The following NIM1K variants were observed in gnomAD, a reference collection of about 807,000 sequenced individuals.
NIM1K encodes the protein serine/threonine-protein kinase NIM1.
Under a neutral mutation model 37.1 loss-of-function variants are expected in NIM1K, and 35 were observed. That is an observed-to-expected ratio of 0.94 (90% confidence interval 0.72 to 1.25). The LOEUF (loss-of-function observed/expected upper bound fraction) is 1.25. NIM1K is among the 50% of genes most tolerant of loss of function. The pLI is 0.00. For synonymous variants in NIM1K, 234 were observed against 206.6 expected, an observed-to-expected ratio of 1.13 and a Z score of -1.14; for missense variants, 564 against 548.0, an observed-to-expected ratio of 1.03 and a Z score of -0.29.
chr5:43,232,062 G>C, intron 1 of NIM1K: 1 of 1,034,904 alleles, frequency 9.7e-7, no homozygotes, highest in Non-Finnish European at 1.5e-6. Context: ...TCTGTGTCTT[G>C]ACCAGGTCTC....
chr5:43,237,879 G>A (rs759665629), intron 1 of NIM1K, among the ~76,000 whole-genome samples: 1 of 151,824 alleles, frequency 6.6e-6, no homozygotes, highest in Non-Finnish European at 1.5e-5. Flanking sequence ...TGGCAATTCA[G>A]GTAAAACAGA....
intron 2 of NIM1K, among the ~76,000 whole-genome samples, chr5:43,265,134 T>C (rs951218874): frequency 3.7e-4 from 56 of 152,256 alleles, no homozygotes; most frequent in African/African-American, 1.3e-3. Context: ...TGTGATGTTC[T>C]CTGCACTTCC....
intron 1 of NIM1K, among the ~76,000 whole-genome samples, chr5:43,223,849 T>C (rs1752415365): frequency 6.6e-6 from 1 of 152,208 alleles, no homozygotes; most frequent in African/African-American, 2.4e-5. Context: ...GGCAGATCAA[T>C]GGGCTCAGGA....
chr5:43,280,141 C>T lies in NIM1K; in HGVS notation c.723C>T (p.Leu241=), dbSNP rs1561098031. ...CGSPPYAAPE[L]FRDEHYIGIY... ...CTCCTCCCTACGCTGCGCCTGAACT[C>T]TTCCGGGACGAGCACTACATCGGCA... The change falls in exon 4 of 4, where the codon CTC becomes CTT. Residue 241 remains leucine (L), a synonymous_variant. Coordinates refer to ENST00000326035, the MANE Select transcript of NIM1K (RefSeq NM_153361.4). 1 of 1,614,186 alleles carries T rather than the reference C, an allele frequency of 6.2e-7. No individual in the cohort carries two copies. The highest frequency in any genetic ancestry group is 1.7e-5 in the Admixed American group (1 of 60,022).
intron 2 of NIM1K, among the ~76,000 whole-genome samples, chr5:43,262,828 A>G (rs1321933165): frequency 6.6e-6 from 1 of 152,016 alleles, no homozygotes; most frequent in Admixed American, 6.6e-5. Context: ...GGGTTGTTGA[A>G]TTTTGTCAAA....
At chr5:43,235,611 C>T (rs1417645955) in intron 1 of NIM1K, among the ~76,000 whole-genome samples, 5 of 152,102 alleles carry the variant, frequency 3.3e-5, no homozygotes, top group Non-Finnish European at 5.9e-5. Flanking sequence ...CAGCTTTGTC[C>T]ACCTCTGAGG....
chr5:43,198,131 ATTTCTTTCTTTCTTTCTTTCTTTCTTTC>A (rs760219876), intron 1 of NIM1K, among the ~76,000 whole-genome samples: 78 of 106,030 alleles, frequency 7.4e-4, no homozygotes, highest in African/African-American at 1.0e-3. Flanking sequence ...GGCCAATATG[ATTTCTTTCTTTCTTTCTTTCTTTCTTTC>A]TTTCTTTCTT....
chr5:43,255,754 A>AAAAAGAAAGAAAGAAAGAAAG (rs112325348), intron 2 of NIM1K, among the ~76,000 whole-genome samples: 1 of 131,806 alleles, frequency 7.6e-6, no homozygotes, highest in African/African-American at 2.8e-5. Context: ...TCTCAAAAAA[A>AAAAAGAAAGAAAGAAAGAAAG]AAAGAAAGAA....
chr5:43,223,989 T>TA (rs5867623), intron 1 of NIM1K, among the ~76,000 whole-genome samples: 44 of 150,922 alleles, frequency 2.9e-4, no homozygotes, highest in African/African-American at 8.5e-4. Flanking sequence ...TTTTGAGGGT[T>TA]AAAAAAAAAT....
chr5:43,279,542 C>A (rs1052215127), intron 3 of NIM1K, among the ~76,000 whole-genome samples: 6 of 152,184 alleles, frequency 3.9e-5, no homozygotes, highest in Non-Finnish European at 8.8e-5. Flanking sequence ...CGGCTGAATT[C>A]TGTAAGGATA....
At chr5:43,231,734 T>C (rs1752542476) in intron 1 of NIM1K, 3 of 872,622 alleles carry the variant, frequency 3.4e-6, no homozygotes, top group Non-Finnish European at 5.3e-6. Flanking sequence ...AAAAATTAAC[T>C]GATCAGACCA....
chr5:43,262,291 G>C (rs1753043714), intron 2 of NIM1K, among the ~76,000 whole-genome samples: 1 of 152,166 alleles, frequency 6.6e-6, no homozygotes, highest in Non-Finnish European at 1.5e-5. Context: ...TCATTGAGCA[G>C]TGCTTTGTAG....
intron 1 of NIM1K, chr5:43,232,865 A>G: frequency 1.8e-6 from 2 of 1,087,420 alleles, no homozygotes; most frequent in Non-Finnish European, 1.4e-6. Flanking sequence ...CTTCAGGCAT[A>G]GTTACTGGAA....
chr5:43,269,970 G>A (rs1753230928), intron 2 of NIM1K, among the ~76,000 whole-genome samples: 1 of 152,118 alleles, frequency 6.6e-6, no homozygotes, highest in Non-Finnish European at 1.5e-5. Flanking sequence ...CTTTCAAGAG[G>A]TTTTATTCTG....
chr5:43,215,900 C>G (rs1434633969), intron 1 of NIM1K, among the ~76,000 whole-genome samples: 1 of 152,186 alleles, frequency 6.6e-6, no homozygotes, highest in Admixed American at 6.5e-5. Context: ...TTGGATTTGA[C>G]ATATTTTCTC....
At chr5:43,222,470 T>C (rs1436775319) in intron 1 of NIM1K, among the ~76,000 whole-genome samples, 1 of 152,184 alleles carries the variant, frequency 6.6e-6, no homozygotes, top group African/African-American at 2.4e-5. Flanking sequence ...GGCTCACACC[T>C]GTAATCTTAG....
intron 1 of NIM1K, among the ~76,000 whole-genome samples, chr5:43,220,912 CATAGGGCGGTCATGATAAGT>C (rs1241705896): frequency 6.6e-6 from 1 of 152,120 alleles, no homozygotes; most frequent in Non-Finnish European, 1.5e-5. Context: ...AGGCAGTAAG[CATAGGGCGGTCATGATAAGT>C]CCCGAGAGTG....
intron 2 of NIM1K, among the ~76,000 whole-genome samples, chr5:43,273,504 C>T (rs1046390882): frequency 7.9e-5 from 12 of 152,140 alleles, no homozygotes; most frequent in African/African-American, 2.4e-4. Flanking sequence ...GCATCACACC[C>T]GGCCCAGAGT....
chr5:43,252,815 T>C (rs1399564744), intron 2 of NIM1K, among the ~76,000 whole-genome samples: 1 of 152,142 alleles, frequency 6.6e-6, no homozygotes, highest in Non-Finnish European at 1.5e-5. Flanking sequence ...TCCCATCTGT[T>C]GTCACAAACA....
Sources: allele counts gnomAD v4.1 joint callset (sites outside exome capture counted in the v4.1 genomes callset), GRCh38; gene constraint gnomAD v4.1.1; transcripts MANE v1.5; gene names NCBI Gene and HGNC (gene_info 2026-07-23, HGNC 2026-07-21).